The following CTNNA3 variants were observed in gnomAD, a reference collection of about 807,000 sequenced individuals.
The protein encoded by CTNNA3 is catenin alpha-3.
In CTNNA3, 76 loss-of-function variants were observed where a neutral mutation model predicts 95.7. The ratio of observed to expected loss-of-function variants is 0.79; its 90% CI spans 0.66 to 0.96. The LOEUF (loss-of-function observed/expected upper bound fraction) is 0.96, where lower values mean the gene tolerates loss of function less well. CTNNA3 is among the 40% of genes least tolerant of loss of function. CTNNA3 has a pLI of 0.00. For missense variants in CTNNA3, 1,191 were observed against 1,089.8 expected (o/e 1.09, Z -1.31); for synonymous variants, 431 against 374.4 (o/e 1.15, Z -1.74).
intron 13 of CTNNA3, among the ~76,000 whole-genome samples, chr10:66,199,140 C>G (rs1212110944): frequency 6.6e-6 from 1 of 152,018 alleles, no homozygotes; most frequent in Non-Finnish European, 1.5e-5. Flanking sequence ...TAAATTGGCA[C>G]TAGATCCTTG....
intron 13 of CTNNA3, among the ~76,000 whole-genome samples, chr10:66,191,986 C>T (rs1475021701): frequency 6.6e-6 from 1 of 152,166 alleles, no homozygotes; most frequent in Non-Finnish European, 1.5e-5. Flanking sequence ...TGGCCATCCA[C>T]TCTGTTGCCT....
intron 1 of CTNNA3, among the ~76,000 whole-genome samples, chr10:67,647,808 T>C (rs1319677082): frequency 6.6e-6 from 1 of 152,208 alleles, no homozygotes; most frequent in Admixed American, 6.5e-5. Context: ...ATTTGATCAG[T>C]AGTCTTAAGT....
intron 12 of CTNNA3, among the ~76,000 whole-genome samples, chr10:66,285,690 A>AT (rs555766297): frequency 2.0e-5 from 3 of 151,632 alleles, no homozygotes; most frequent in Admixed American, 6.6e-5. Flanking sequence ...AATAAATTTT[A>AT]TTTTTTTAAA....
intron 13 of CTNNA3, among the ~76,000 whole-genome samples, chr10:66,135,006 G>A (rs1246560577): frequency 6.6e-6 from 1 of 152,114 alleles, no homozygotes. Context: ...TAGAGTGAAT[G>A]TTTAAAGATA....
intron 7 of CTNNA3, among the ~76,000 whole-genome samples, chr10:66,985,716 G>A (rs1850691043): frequency 6.6e-6 from 1 of 151,994 alleles, no homozygotes; most frequent in African/African-American, 2.4e-5. Context: ...CATTCTTTCT[G>A]TTTGTTTATT....
chr10:66,136,777 A>C (rs2083377822), intron 13 of CTNNA3, among the ~76,000 whole-genome samples: 2 of 152,144 alleles, frequency 1.3e-5, no homozygotes, highest in Non-Finnish European at 1.5e-5. Context: ...AAGGAATGAA[A>C]TTTTAGTATC....
intron 3 of CTNNA3, among the ~76,000 whole-genome samples, chr10:67,543,941 T>TA (rs962779943): frequency 6.0e-5 from 9 of 151,134 alleles, no homozygotes; most frequent in East Asian, 5.8e-4. Flanking sequence ...ACACAGATGT[T>TA]AAAAAAAAAT....
intron 9 of CTNNA3, among the ~76,000 whole-genome samples, chr10:66,667,865 G>A (rs1846511061): frequency 6.6e-6 from 1 of 151,916 alleles, no homozygotes; most frequent in Non-Finnish European, 1.5e-5. Flanking sequence ...TTGTTTTCAT[G>A]GGCATATGCC....
At chr10:67,169,386 A>C (rs1861917768) in intron 7 of CTNNA3, among the ~76,000 whole-genome samples, 1 of 152,204 alleles carries the variant, frequency 6.6e-6, no homozygotes, top group Admixed American at 6.5e-5. Flanking sequence ...ACTTCAAACT[A>C]TACTACAGAA....
intron 6 of CTNNA3, among the ~76,000 whole-genome samples, chr10:67,186,342 A>G (rs1040452353): frequency 5.9e-5 from 9 of 152,074 alleles, no homozygotes; most frequent in African/African-American, 9.7e-5. Context: ...AATTAAGTTC[A>G]CTCTAGCTTC....
At chr10:66,528,209 G>A (rs1046196638) in intron 10 of CTNNA3, among the ~76,000 whole-genome samples, 2 of 152,096 alleles carry the variant, frequency 1.3e-5, no homozygotes, top group Non-Finnish European at 2.9e-5. Context: ...TGACACCCCA[G>A]ACCAAAGCCA....
At chr10:66,867,470 G>A (rs1222949554) in intron 7 of CTNNA3, among the ~76,000 whole-genome samples, 3 of 152,132 alleles carry the variant, frequency 2.0e-5, no homozygotes, top group Non-Finnish European at 4.4e-5. Context: ...GACATTCCAG[G>A]GGGAGATACA....
intron 1 of CTNNA3, among the ~76,000 whole-genome samples, chr10:67,743,693 G>C (rs1841356882): frequency 6.6e-6 from 1 of 151,202 alleles, no homozygotes; most frequent in Admixed American, 6.6e-5. Context: ...ATTCAATTAG[G>C]AAAAGAGGAA....
intron 6 of CTNNA3, among the ~76,000 whole-genome samples, chr10:67,203,612 C>A (rs1164479257): frequency 6.6e-6 from 1 of 152,102 alleles, no homozygotes; most frequent in Non-Finnish European, 1.5e-5. Context: ...CTTTCCATTC[C>A]AACTCCTTTA....
chr10:67,164,229 T>C (rs559323465), intron 7 of CTNNA3, among the ~76,000 whole-genome samples: 25 of 152,222 alleles, frequency 1.6e-4, no homozygotes, highest in African/African-American at 5.8e-4. Context: ...ATAGCTACAG[T>C]AGTCAATGCT....
intron 2 of CTNNA3, among the ~76,000 whole-genome samples, chr10:67,613,629 G>GCC (rs60385545): frequency 3.3e-5 from 5 of 150,904 alleles, no homozygotes; most frequent in African/African-American, 1.2e-4. Flanking sequence ...GTCTTTTTTT[G>GCC]CCCCCCCCAA....
chr10:67,459,911 T>C (rs1246187090), intron 5 of CTNNA3, among the ~76,000 whole-genome samples: 2 of 152,192 alleles, frequency 1.3e-5, no homozygotes, highest in Admixed American at 6.5e-5. Context: ...CAATCTGATA[T>C]ATTCCTTTTC....
chr10:67,658,231 A>G (rs1224888387), intron 1 of CTNNA3, among the ~76,000 whole-genome samples: 2 of 152,316 alleles, frequency 1.3e-5, no homozygotes, highest in South Asian at 2.1e-4. Flanking sequence ...TTCCTAATCC[A>G]TAAAATGAGA....
rs1487013385 is a variant in CTNNA3 at position 67,370,875 on chromosome 10, T to TG, written c.579+150966_579+150967insC. On this transcript the variant is annotated intron_variant, in intron 5 of 17. Transcript: ENST00000433211. The stretch of plus-strand genomic sequence containing the variant: ...TTAAGAGGAAGTTTTTTTTGTTTTT[T>TG]TTTTTTTTTGAGACAGAGTCTCGCT... 2.7e-5 allele frequency among the ~76,000 whole-genome samples: 4 copies of TG among 150,768 alleles called. No individual in the cohort carries two copies. The South Asian group carries it at 8.4e-4, about 32-fold the overall frequency.
Sources: allele counts gnomAD v4.1 joint callset (sites outside exome capture counted in the v4.1 genomes callset), GRCh38; gene constraint gnomAD v4.1.1; transcripts MANE v1.5; gene names NCBI Gene and HGNC (gene_info 2026-07-23, HGNC 2026-07-21).